The following LRIG1 variants were observed in gnomAD, a reference collection of about 807,000 sequenced individuals.
LRIG1 encodes leucine-rich repeats and immunoglobulin-like domains protein 1.
Under a neutral mutation model 99.2 loss-of-function variants are expected in LRIG1, and 48 were observed. The ratio of observed to expected loss-of-function variants is 0.48; its 90% CI spans 0.38 to 0.62. The LOEUF (loss-of-function observed/expected upper bound fraction) is 0.62, where lower values mean the gene tolerates loss of function less well. Among genes scored for constraint, LRIG1 ranks in the 20% least tolerant of loss-of-function variants. The pLI is 0.00. For synonymous variants in LRIG1, 772 were observed against 596.1 expected (o/e 1.29, Z -4.30); for missense variants, 1,646 against 1,434.4 (o/e 1.15, Z -2.38).
chr3:66,386,258 G>A lies in LRIG1; in HGVS notation c.1512C>T (p.Thr504=). The A allele has an allele frequency of 6.2e-7, 1 of 1,614,108 alleles. No individual in the cohort carries two copies. Among genetic ancestry groups the A allele is most frequent in the South Asian group, 1.1e-5 (1 of 91,068 alleles). ...KPQIITQPET[T]MAMVGKDIRF... is the part of the protein sequence containing the mutation. ...GGATGTCCTTGCCCACCATAGCCAT[G>A]GTGGTTTCTGGCTGGGTGATGATCT... The change falls in exon 13 of 19, where the codon ACC becomes ACT. Residue 504 remains threonine, a synonymous_variant. Coordinates refer to ENST00000273261, the MANE Select transcript of LRIG1 (RefSeq NM_015541.3).
intron 3 of LRIG1, among the ~76,000 whole-genome samples, chr3:66,446,937 G>A (rs114559048): frequency 1.2e-4 from 12 of 102,740 alleles, no homozygotes; most frequent in Non-Finnish European, 2.0e-4. Flanking sequence ...GGAGTATGGG[G>A]TTTTTTGGGG....
chr3:66,410,759 G>A (rs1702437453), intron 6 of LRIG1, among the ~76,000 whole-genome samples: 1 of 152,368 alleles, frequency 6.6e-6, no homozygotes, highest in African/African-American at 2.4e-5. Context: ...GGAATAGAAA[G>A]GAGAGCGAAT....
At chr3:66,439,379 G>T (rs1703467112) in intron 3 of LRIG1, among the ~76,000 whole-genome samples, 1 of 152,128 alleles carries the variant, frequency 6.6e-6, no homozygotes, top group Admixed American at 6.5e-5. Context: ...AAAGTCCAAG[G>T]GGAATTTTTT....
intron 1 of LRIG1, among the ~76,000 whole-genome samples, chr3:66,473,341 C>T (rs541846807): frequency 6.6e-6 from 1 of 152,286 alleles, no homozygotes; most frequent in African/African-American, 2.4e-5. Flanking sequence ...GCCAGAAGTT[C>T]CCCAGAGTAC....
intron 9 of LRIG1, among the ~76,000 whole-genome samples, chr3:66,399,490 T>A (rs1045829355): frequency 1.3e-5 from 2 of 152,098 alleles, no homozygotes; most frequent in Non-Finnish European, 2.9e-5. Context: ...CTGCTGACCA[T>A]GACTGGGCAT....
rs578147041 is a variant in LRIG1, at chr3:66,380,647, G to A, written c.2985C>T (p.Leu995=). The A allele has an allele frequency of 6.2e-6, 10 of 1,614,112 alleles. No homozygotes were observed. The highest frequency in any genetic ancestry group is 2.7e-5 in the African/African-American group (2 of 74,938). The change falls in exon 18 of 19, where the codon CTC becomes CTT. Residue 995 remains leucine, a synonymous_variant. Transcript: ENST00000273261. ...AGSCPECQGS[L]YPSNHDRMLT... ...GCATTCTATCGTGGTTACTGGGGTA[G>A]AGCGACCCTTGGCACTCGGGGCAGG... is the stretch of plus-strand genomic sequence containing the variant.
At chr3:66,462,045 A>G (rs1360982826) in intron 2 of LRIG1, among the ~76,000 whole-genome samples, 1 of 152,204 alleles carries the variant, frequency 6.6e-6, no homozygotes, top group Non-Finnish European at 1.5e-5. Flanking sequence ...AGAGTTCGAG[A>G]CCAGCCTGGC....
chr3:66,459,681 A>G (rs1221921718), intron 2 of LRIG1, among the ~76,000 whole-genome samples: 2 of 152,182 alleles, frequency 1.3e-5, no homozygotes, highest in Admixed American at 1.3e-4. Flanking sequence ...CCCTCAACTT[A>G]ATGTAAACTC....
At chr3:66,407,081 G>A (rs576837145) in intron 8 of LRIG1, among the ~76,000 whole-genome samples, 9 of 152,206 alleles carry the variant, frequency 5.9e-5, no homozygotes, top group African/African-American at 2.2e-4. Flanking sequence ...GCACAACGTG[G>A]GCATCACTGC....
chr3:66,391,371 C>A (rs1460226034), intron 12 of LRIG1, among the ~76,000 whole-genome samples: 1 of 152,092 alleles, frequency 6.6e-6, no homozygotes, highest in Non-Finnish European at 1.5e-5. Context: ...CAGCATTATT[C>A]ATAATAGCCA....
intron 6 of LRIG1, among the ~76,000 whole-genome samples, chr3:66,411,837 AG>A (rs1368915005): frequency 6.6e-6 from 1 of 152,038 alleles, no homozygotes; most frequent in Non-Finnish European, 1.5e-5. Context: ...TCAACTTGGA[AG>A]GAACAACCAG....
At chr3:66,475,401 G>C (rs947113363) in intron 1 of LRIG1, among the ~76,000 whole-genome samples, 2 of 152,106 alleles carry the variant, frequency 1.3e-5, no homozygotes, top group Admixed American at 6.6e-5. Flanking sequence ...GTGGTGGTTG[G>C]GGGTGAGAGC....
At chr3:66,408,913 AGTGT>A (rs55651719) in intron 7 of LRIG1, among the ~76,000 whole-genome samples, 5,722 of 34,870 alleles carry the variant, frequency 0.16, 420 homozygotes, top group African/African-American at 0.22. Flanking sequence ...ACTCCAAGTC[AGTGT>A]GTGTGTGTGT....
chr3:66,476,841 T>C (rs897611341), intron 1 of LRIG1, among the ~76,000 whole-genome samples: 1 of 152,242 alleles, frequency 6.6e-6, no homozygotes, highest in Non-Finnish European at 1.5e-5. Context: ...TCATGAGGAC[T>C]CTGGATCCTC....
At chr3:66,394,753 A>G (rs576280782) in intron 11 of LRIG1, among the ~76,000 whole-genome samples, 11 of 151,934 alleles carry the variant, frequency 7.2e-5, no homozygotes, top group South Asian at 2.1e-4. Flanking sequence ...TTCCTTTTCC[A>G]TTTGGCAAAG....
chr3:66,420,422 T>C (rs758725850), intron 3 of LRIG1, among the ~76,000 whole-genome samples: 1 of 152,104 alleles, frequency 6.6e-6, no homozygotes, highest in Non-Finnish European at 1.5e-5. Flanking sequence ...CCTCAAAAAA[T>C]TAAACAGAGG....
At chr3:66,440,554 G>A (rs1484123829) in intron 3 of LRIG1, among the ~76,000 whole-genome samples, 1 of 152,140 alleles carries the variant, frequency 6.6e-6, no homozygotes, top group Non-Finnish European at 1.5e-5. Context: ...ATTTTTATGG[G>A]ATGTAAATAG....
intron 12 of LRIG1, among the ~76,000 whole-genome samples, chr3:66,389,831 A>C (rs560725584): frequency 2.0e-5 from 3 of 152,280 alleles, no homozygotes; most frequent in East Asian, 3.9e-4. Context: ...GGAAAACCGA[A>C]TTATAAACTT....
intron 9 of LRIG1, among the ~76,000 whole-genome samples, chr3:66,403,847 CAG>C: frequency 6.6e-6 from 1 of 152,216 alleles, no homozygotes; most frequent in East Asian, 1.9e-4. Context: ...TGGCCGAGGT[CAG>C]GGAGGCTTAT....
Sources: allele counts gnomAD v4.1 joint callset (sites outside exome capture counted in the v4.1 genomes callset), GRCh38; gene constraint gnomAD v4.1.1; transcripts MANE v1.5; gene names NCBI Gene and HGNC (gene_info 2026-07-23, HGNC 2026-07-21).